The following SAMD13 variants were observed in gnomAD, a reference collection of about 807,000 sequenced individuals.
The protein encoded by SAMD13 is sterile alpha motif domain containing 13.
A neutral mutation model predicts 12.4 loss-of-function variants in SAMD13; 9 were observed. The ratio of observed to expected loss-of-function variants is 0.72; its 90% CI spans 0.44 to 1.26. The LOEUF (loss-of-function observed/expected upper bound fraction) is 1.26. Among genes scored for constraint, SAMD13 ranks in the 50% most tolerant of loss-of-function variants. The pLI, the probability that SAMD13 is intolerant of heterozygous loss-of-function variation, is 0.00. For synonymous variants in SAMD13, 46 were observed against 45.4 expected (o/e 1.01, Z -0.05); for missense variants, 84 against 119.6 (o/e 0.70, Z 1.39).
At chr1:84,303,858 A>G (rs149622090) in intron 2 of SAMD13, 2 of 152,358 alleles carry the variant, frequency 1.3e-5, no homozygotes, top group African/African-American at 4.8e-5. Flanking sequence ...TAAGAGTTAT[A>G]TATTTGATTA....
At position 84,303,227 on chromosome 1, in the gene SAMD13, G is replaced by A. The variant is rs1433562223; in HGVS notation, c.-8G>A. On this transcript the variant is annotated 5_prime_UTR_variant, in exon 2 of 4. Transcript: ENST00000394834. ...GTTGCTGAAGTAAAGGAACCCTGCA[G>A]CCTTCCCATGCTATCTGTTGACATG... 9 of 1,613,020 alleles carry A rather than the reference G, an allele frequency of 5.6e-6. No individual in the cohort carries two copies. The highest frequency in any genetic ancestry group is 7.6e-6 in the Non-Finnish European group (9 of 1,179,152).
intron 2 of SAMD13, among the ~76,000 whole-genome samples, chr1:84,322,907 T>A (rs1163111630): frequency 6.6e-6 from 1 of 152,198 alleles, no homozygotes; most frequent in African/African-American, 2.4e-5. Flanking sequence ...CAGGAAAGCC[T>A]CCCATCTTAA....
intron 2 of SAMD13, among the ~76,000 whole-genome samples, chr1:84,311,333 A>G (rs1277062893): frequency 8.0e-6 from 1 of 125,504 alleles, no homozygotes; most frequent in African/African-American, 3.5e-5. Flanking sequence ...GAGACTGTCT[A>G]AAAAAAAAAA....
rs1421878256 is a variant in SAMD13 at position 84,325,714 on chromosome 1, G to A, written c.131G>A (p.Gly44Glu). ...MDVVNYFRTV[G>E]FEEQASAFQE... ...GTCGTCAATTATTTCCGAACCGTGG[G>A]ATTTGAGGAGCAAGCTAGTGCTTTT... Residue 44 changes from glycine to glutamate, a missense_variant, in exon 3 of 4, where the codon GGA becomes GAA. Transcript: ENST00000394834. The A allele has an allele frequency of 1.2e-6, 2 of 1,613,202 alleles. No homozygotes were observed. Among genetic ancestry groups the A allele is most frequent in the Non-Finnish European group, 1.7e-6 (2 of 1,179,352 alleles).
intron 3 of SAMD13, chr1:84,345,055 G>C (rs1477443869): frequency 4.4e-6 from 2 of 456,540 alleles, no homozygotes; most frequent in Non-Finnish European, 8.8e-6. Flanking sequence ...TTGGACACAG[G>C]ATTTTCCACT....
chr1:84,317,957 C>A (rs536415048), intron 2 of SAMD13, among the ~76,000 whole-genome samples: 2 of 152,156 alleles, frequency 1.3e-5, no homozygotes, highest in Non-Finnish European at 2.9e-5. Context: ...TCTAGACTAT[C>A]CAGTTGGTAG....
intron 2 of SAMD13, among the ~76,000 whole-genome samples, chr1:84,324,399 G>T (rs1483973281): frequency 6.6e-6 from 1 of 152,106 alleles, no homozygotes; most frequent in Non-Finnish European, 1.5e-5. Flanking sequence ...TTAATTTCTG[G>T]CTGTCTTTTA....
At chr1:84,319,231 T>A (rs1054013273) in intron 2 of SAMD13, among the ~76,000 whole-genome samples, 2 of 152,298 alleles carry the variant, frequency 1.3e-5, no homozygotes, top group East Asian at 1.9e-4. Flanking sequence ...TTTAGACTGT[T>A]GTGTTTAGTA....
At chr1:84,312,228 A>G (rs1244329319) in intron 2 of SAMD13, among the ~76,000 whole-genome samples, 2 of 152,062 alleles carry the variant, frequency 1.3e-5, no homozygotes, top group South Asian at 2.1e-4. Context: ...AAATCATATT[A>G]TCTTTACCTT....
intron 2 of SAMD13, chr1:84,303,735 C>T (rs1451856625): frequency 6.5e-6 from 1 of 154,992 alleles, no homozygotes; most frequent in Non-Finnish European, 1.4e-5. Flanking sequence ...TTTAACAACT[C>T]CTCCGTCCTA....
chr1:84,329,565 C>T (rs1481561515), intron 3 of SAMD13, among the ~76,000 whole-genome samples: 2 of 152,144 alleles, frequency 1.3e-5, no homozygotes, highest in African/African-American at 4.8e-5. Context: ...GTCCTGTGTT[C>T]CTGTGGTATG....
At chr1:84,310,323 C>A (rs1457915927) in intron 2 of SAMD13, among the ~76,000 whole-genome samples, 2 of 151,464 alleles carry the variant, frequency 1.3e-5, no homozygotes, top group Non-Finnish European at 2.9e-5. Context: ...TGTCTTTGGC[C>A]ACAGATGAAA....
At chr1:84,306,816 G>A (rs780445951) in intron 2 of SAMD13, among the ~76,000 whole-genome samples, 1 of 139,646 alleles carries the variant, frequency 7.2e-6, no homozygotes, top group Non-Finnish European at 1.5e-5. Flanking sequence ...GGGTGACAGT[G>A]AGACTCCGTC....
Position 84,325,831 on chromosome 1 carries a change from G to A in SAMD13, c.165+83G>A, listed in dbSNP as rs1228385915. The A allele has an allele frequency of 5.1e-6, 4 of 785,908 alleles. No homozygotes were observed. The African/African-American group carries it at 6.8e-5, about 13-fold the overall frequency. The allele number at this position is 785,908 out of a possible 1,614,324, so 48.7% of individuals were successfully genotyped here. ...TTCCCAACAGTGGGCAGAAGGGAGT[G>A]AGGAGGAAGAGGACCAAAGAGCAGG... On this transcript the variant is annotated intron_variant, in intron 3 of 3. Coordinates refer to ENST00000394834, the MANE Select transcript of SAMD13 (RefSeq NM_001134663.2).
intron 2 of SAMD13, among the ~76,000 whole-genome samples, chr1:84,311,327 C>A: frequency 7.9e-6 from 1 of 125,796 alleles, no homozygotes. Context: ...CAGAGTGAGA[C>A]TGTCTAAAAA....
chr1:84,302,521 T>G (rs1359092048), intron 1 of SAMD13: 1 of 217,126 alleles, frequency 4.6e-6, no homozygotes. Context: ...TCTAATGAGT[T>G]ACCTACTCTT....
chr1:84,313,883 C>A (rs1408124207), intron 2 of SAMD13, among the ~76,000 whole-genome samples: 1 of 151,626 alleles, frequency 6.6e-6, no homozygotes, highest in Non-Finnish European at 1.5e-5. Context: ...GCTTTTTTTT[C>A]TTGGTAATGA....
At chr1:84,328,041 T>C (rs1398520243) in intron 3 of SAMD13, among the ~76,000 whole-genome samples, 1 of 152,190 alleles carries the variant, frequency 6.6e-6, no homozygotes, top group Non-Finnish European at 1.5e-5. Flanking sequence ...AAAAAATACT[T>C]AGCTAAAAGG....
chr1:84,346,129 C>G (rs1248133669), intron 3 of SAMD13, among the ~76,000 whole-genome samples: 2 of 152,190 alleles, frequency 1.3e-5, no homozygotes, highest in African/African-American at 4.8e-5. Flanking sequence ...TCCCCCATCA[C>G]ATAGATAAGA....
Sources: allele counts gnomAD v4.1 joint callset (sites outside exome capture counted in the v4.1 genomes callset), GRCh38; gene constraint gnomAD v4.1.1; transcripts MANE v1.5; gene names NCBI Gene and HGNC (gene_info 2026-07-23, HGNC 2026-07-21).